The following LDB2 variants were observed in gnomAD, a reference collection of about 807,000 sequenced individuals.
LDB2 encodes LIM domain binding 2.
LDB2 carries 12 observed loss-of-function variants against 44.3 expected under a neutral mutation model. That is an observed-to-expected ratio of 0.27 (90% confidence interval 0.17 to 0.44). The LOEUF (loss-of-function observed/expected upper bound fraction) is 0.44. LDB2 is among the 20% of genes least tolerant of loss of function. LDB2 has a pLI of 1.00. For synonymous variants in LDB2, 164 were observed against 174.8 expected, an observed-to-expected ratio of 0.94 and a Z score of 0.49; for missense variants, 344 against 473.5, an observed-to-expected ratio of 0.73 and a Z score of 2.54.
chr4:16,748,840 T>G (rs1764882840), intron 2 of LDB2, among the ~76,000 whole-genome samples: 1 of 152,158 alleles, frequency 6.6e-6, no homozygotes. Context: ...GAAGCATTAT[T>G]AGGAACAGAT....
chr4:16,666,074 TGA>T (rs1371820678), intron 2 of LDB2, among the ~76,000 whole-genome samples: 4 of 152,154 alleles, frequency 2.6e-5, no homozygotes, highest in Non-Finnish European at 5.9e-5. Flanking sequence ...TGCAGAATTG[TGA>T]GAGAGTACAT....
chr4:16,834,118 T>C (rs1784507251), intron 1 of LDB2, among the ~76,000 whole-genome samples: 2 of 152,238 alleles, frequency 1.3e-5, no homozygotes, highest in Non-Finnish European at 2.9e-5. Context: ...CTATTATGTG[T>C]TGCTTGTTTA....
chr4:16,667,631 T>C (rs544609917), intron 2 of LDB2, among the ~76,000 whole-genome samples: 87 of 152,304 alleles, frequency 5.7e-4, no homozygotes, highest in African/African-American at 1.9e-3. Context: ...ATTTCGCTCA[T>C]CTGCAAGGCT....
At chr4:16,739,341 C>T (rs773326751) in intron 2 of LDB2, among the ~76,000 whole-genome samples, 8 of 151,126 alleles carry the variant, frequency 5.3e-5, no homozygotes, top group Non-Finnish European at 1.2e-4. Context: ...AATCCCACCG[C>T]TTTGGGAGGC....
intron 2 of LDB2, among the ~76,000 whole-genome samples, chr4:16,659,231 G>C (rs1312484446): frequency 6.6e-6 from 1 of 152,186 alleles, no homozygotes; most frequent in Non-Finnish European, 1.5e-5. Flanking sequence ...GTACTTGGCA[G>C]CTTGATCTTT....
intron 5 of LDB2, among the ~76,000 whole-genome samples, chr4:16,561,335 A>G (rs1423767664): frequency 1.3e-5 from 2 of 152,218 alleles, no homozygotes; most frequent in Non-Finnish European, 2.9e-5. Context: ...TCTCAGCTGA[A>G]AATCTCCTTA....
At chr4:16,871,253 T>C (rs1716496126) in intron 1 of LDB2, among the ~76,000 whole-genome samples, 1 of 152,212 alleles carries the variant, frequency 6.6e-6, no homozygotes, top group African/African-American at 2.4e-5. Context: ...ACCCCACACT[T>C]TGAATATATG....
intron 2 of LDB2, among the ~76,000 whole-genome samples, chr4:16,677,668 C>A (rs1446330894): frequency 6.6e-6 from 1 of 152,214 alleles, no homozygotes; most frequent in Non-Finnish European, 1.5e-5. Flanking sequence ...GATCAAATAT[C>A]TTGTTCCATG....
At chr4:16,534,438 T>C (rs538451725) in intron 5 of LDB2, among the ~76,000 whole-genome samples, 1 of 152,264 alleles carries the variant, frequency 6.6e-6, no homozygotes, top group Non-Finnish European at 1.5e-5. Flanking sequence ...TTGCAGGAAT[T>C]CTCGTCTCCA....
intron 5 of LDB2, among the ~76,000 whole-genome samples, chr4:16,554,311 A>G (rs1020675567): frequency 1.3e-5 from 2 of 152,040 alleles, no homozygotes; most frequent in Non-Finnish European, 2.9e-5. Flanking sequence ...CGGCCCCCCA[A>G]AGTGCTGGGA....
intron 1 of LDB2, among the ~76,000 whole-genome samples, chr4:16,863,656 C>CT (rs143950913): frequency 0.072 from 6,573 of 91,798 alleles, 1,165 homozygotes; most frequent in African/African-American, 0.27. Flanking sequence ...CTCACATTCT[C>CT]TTTTTTTTTT....
Position 16,570,779 on chromosome 4 carries a change from T to TGAC in LDB2, c.615+15140_615+15142dup, listed in dbSNP as rs761599910. The stretch of plus-strand genomic sequence containing the variant: ...ATTCCAGGCAGTGGGATGATGATGA[T>TGAC]GACGATGATAATCATAAAATAGCAA... On this transcript the variant is annotated intron_variant, in intron 5 of 7. Coordinates refer to ENST00000304523, the MANE Select transcript of LDB2 (RefSeq NM_001290.5). Among the ~76,000 whole-genome samples, 7 of 152,128 alleles carry TGAC rather than the reference T, an allele frequency of 4.6e-5. No individual in the cohort carries two copies. In the East Asian group the frequency reaches 1.2e-3, roughly 25 times the overall value.
At chr4:16,545,800 C>T (rs964484346) in intron 5 of LDB2, among the ~76,000 whole-genome samples, 2 of 152,164 alleles carry the variant, frequency 1.3e-5, no homozygotes, top group African/African-American at 2.4e-5. Context: ...GCCATCTTTA[C>T]GCAAGAATGC....
chr4:16,836,697 T>C (rs1388272663), intron 1 of LDB2, among the ~76,000 whole-genome samples: 3 of 152,208 alleles, frequency 2.0e-5, no homozygotes, highest in African/African-American at 7.2e-5. Context: ...CCACCATTTA[T>C]TGATTTCGTC....
chr4:16,665,268 C>CTTT (rs5856376), intron 2 of LDB2, among the ~76,000 whole-genome samples: 36 of 127,186 alleles, frequency 2.8e-4, no homozygotes, highest in South Asian at 7.4e-4. Context: ...TTTTTCATTT[C>CTTT]TTTTTTTTTT....
intron 2 of LDB2, among the ~76,000 whole-genome samples, chr4:16,637,299 ATTTTTTTT>A (rs34484721): frequency 2.3e-5 from 2 of 85,482 alleles, no homozygotes; most frequent in African/African-American, 4.9e-5. Context: ...GCCTAGGCTG[ATTTTTTTT>A]TTTTTTTTTT....
chr4:16,678,286 A>G (rs1472204358), intron 2 of LDB2, among the ~76,000 whole-genome samples: 1 of 152,238 alleles, frequency 6.6e-6, no homozygotes, highest in Non-Finnish European at 1.5e-5. Flanking sequence ...ATTAGTTGTT[A>G]AACAATTATT....
chr4:16,508,025 G>A (rs1391959199), intron 7 of LDB2, among the ~76,000 whole-genome samples: 1 of 152,148 alleles, frequency 6.6e-6, no homozygotes, highest in African/African-American at 2.4e-5. Flanking sequence ...AATGCAATGG[G>A]CTAAGCGAGA....
chr4:16,584,083 G>A (rs1159646340), intron 5 of LDB2, among the ~76,000 whole-genome samples: 2 of 152,200 alleles, frequency 1.3e-5, no homozygotes, highest in African/African-American at 4.8e-5. Context: ...TGAGAGTAGA[G>A]AGTCGGCGCT....
Sources: gnomAD v4.1 joint callset for allele counts (sites outside exome capture counted in the v4.1 genomes callset) on GRCh38, gnomAD v4.1.1 for gene constraint, MANE v1.5 for transcripts, NCBI Gene and HGNC (gene_info 2026-07-23, HGNC 2026-07-21) for gene names.